Variants in MARCHF1 observed in about 807,000 individuals in gnomAD.
MARCHF1 encodes the protein E3 ubiquitin-protein ligase MARCHF1.
A neutral mutation model predicts 54.2 loss-of-function variants in MARCHF1; 40 were observed. That is an observed-to-expected ratio of 0.74 (90% CI 0.57 to 0.96). The LOEUF is 0.96. Ranked by LOEUF, MARCHF1 falls within the 40% of genes least tolerant of loss-of-function variation. The pLI, the probability that MARCHF1 is intolerant of heterozygous loss-of-function variation, is 0.00. For missense variants in MARCHF1, 586 were observed against 656.5 expected, an observed-to-expected ratio of 0.89 and a Z score of 1.17; for synonymous variants, 236 against 236.3, an observed-to-expected ratio of 1.00 and a Z score of 0.01.
chr4:163,994,578 C>T (rs930446088), intron 2 of MARCHF1, among the ~76,000 whole-genome samples: 12 of 151,528 alleles, frequency 7.9e-5, no homozygotes, highest in Admixed American at 2.6e-4. Context: ...ATAATAATAA[C>T]ATTTAAAAAA....
intron 2 of MARCHF1, among the ~76,000 whole-genome samples, chr4:164,078,711 C>T (rs528008441): frequency 7.9e-5 from 12 of 152,228 alleles, no homozygotes; most frequent in African/African-American, 2.6e-4. Flanking sequence ...GGCCTAACAG[C>T]AAATTAGACA....
intron 3 of MARCHF1, among the ~76,000 whole-genome samples, chr4:163,940,539 C>G (rs1281093353): frequency 6.6e-6 from 1 of 151,956 alleles, no homozygotes; most frequent in Non-Finnish European, 1.5e-5. Flanking sequence ...TGTGTTTCCT[C>G]TATGTCCACC....
chr4:164,295,651 G>A, intron 1 of MARCHF1, among the ~76,000 whole-genome samples: 1 of 152,152 alleles, frequency 6.6e-6, no homozygotes, highest in East Asian at 1.9e-4. Flanking sequence ...AAATTTTTAA[G>A]CAACTTGGGC....
At chr4:163,757,635 AATAGAAACACC>A (rs1746715459) in intron 4 of MARCHF1, among the ~76,000 whole-genome samples, 1 of 152,212 alleles carries the variant, frequency 6.6e-6, no homozygotes, top group Non-Finnish European at 1.5e-5. Context: ...TTTGAAAAAA[AATAGAAACACC>A]ATAGAAACAC....
intron 2 of MARCHF1, among the ~76,000 whole-genome samples, chr4:164,062,978 G>C (rs1754652630): frequency 6.6e-6 from 1 of 152,188 alleles, no homozygotes; most frequent in African/African-American, 2.4e-5. Flanking sequence ...TTAATGATCA[G>C]TAATGTTTTA....
At position 163,868,116 on chromosome 4, in the gene MARCHF1, G is replaced by A. The variant is rs188718925; in HGVS notation, c.-38-13947C>T. ...CTGAGAGTACTCCAAGAAATGGATG[G>A]GTGCAATTTCAAATGGGGCTTTTAT... On this transcript the variant is annotated intron_variant, in intron 3 of 9. Transcript: ENST00000514618. Among the ~76,000 whole-genome samples the A allele has an allele frequency of 3.2e-3, 484 of 151,792 alleles. 2 individuals carry two copies. Among genetic ancestry groups the A allele is most frequent in the African/African-American group, 0.011 (436 of 41,440 alleles).
chr4:163,716,146 A>G (rs1274283328), intron 4 of MARCHF1, among the ~76,000 whole-genome samples: 1 of 152,200 alleles, frequency 6.6e-6, no homozygotes, highest in East Asian at 1.9e-4. Context: ...TTGAACTTTT[A>G]TGATGGTTCT....
At chr4:164,170,032 CAGGTGTATTTTGAA>C (rs1730481603) in intron 1 of MARCHF1, among the ~76,000 whole-genome samples, 1 of 152,036 alleles carries the variant, frequency 6.6e-6, no homozygotes, top group South Asian at 2.1e-4. Flanking sequence ...TAATTGGACT[CAGGTGTATTTTGAA>C]AGCCAAAATT....
Position 163,586,434 on chromosome 4 carries a change from A to G in MARCHF1, c.1011-505T>C, listed in dbSNP as rs78863342. Among the ~76,000 whole-genome samples, 110 of 152,310 alleles carry G rather than the reference A, an allele frequency of 7.2e-4. 3 individuals are homozygous for G. In the East Asian group the frequency reaches 0.02, roughly 28 times the overall value. On this transcript the variant is annotated intron_variant, in intron 7 of 9. Coordinates refer to ENST00000514618, the MANE Select transcript of MARCHF1 (RefSeq NM_001394959.1). ...CAAAATATCTCATTATGTATGTGCAAATATTCCAAAATCCTCCCAAAATTG... is the reference window on the plus strand; with the variant it reads ...CAAAATATCTCATTATGTATGTGCAGATATTCCAAAATCCTCCCAAAATTG...
At chr4:164,338,956 G>A (rs1327160690) in intron 1 of MARCHF1, among the ~76,000 whole-genome samples, 2 of 151,744 alleles carry the variant, frequency 1.3e-5, no homozygotes, top group Non-Finnish European at 2.9e-5. Context: ...TGAGCAACAA[G>A]AGCAAAACTC....
chr4:163,625,703 T>C (rs567471611), intron 5 of MARCHF1, among the ~76,000 whole-genome samples: 26 of 152,352 alleles, frequency 1.7e-4, no homozygotes, highest in African/African-American at 5.8e-4. Context: ...GGCTCTTTCT[T>C]TGGACTTCAG....
intron 3 of MARCHF1, among the ~76,000 whole-genome samples, chr4:163,939,126 G>A (rs1204159737): frequency 6.6e-6 from 1 of 152,158 alleles, no homozygotes; most frequent in Non-Finnish European, 1.5e-5. Flanking sequence ...GCCCTGAGCA[G>A]TATATTTCTG....
chr4:163,863,120 C>A (rs1426522638), intron 3 of MARCHF1, among the ~76,000 whole-genome samples: 1 of 151,984 alleles, frequency 6.6e-6, no homozygotes, highest in Non-Finnish European at 1.5e-5. Context: ...TCTTATAGAA[C>A]CTCACAGCAC....
intron 2 of MARCHF1, among the ~76,000 whole-genome samples, chr4:164,105,302 T>C (rs76223973): frequency 0.78 from 76,078 of 98,056 alleles, 29,772 homozygotes; most frequent in Non-Finnish European, 0.85. Flanking sequence ...GAGCCTGCAT[T>C]GCCAAGTCAA....
At chr4:163,741,045 T>TA (rs903664743) in intron 4 of MARCHF1, among the ~76,000 whole-genome samples, 1 of 152,186 alleles carries the variant, frequency 6.6e-6, no homozygotes, top group African/African-American at 2.4e-5. Flanking sequence ...TTTGTCTACT[T>TA]AGTCTTTGTA....
At chr4:164,334,863 G>T (rs1729690270) in intron 1 of MARCHF1, among the ~76,000 whole-genome samples, 1 of 152,130 alleles carries the variant, frequency 6.6e-6, no homozygotes, top group Non-Finnish European at 1.5e-5. Flanking sequence ...ACAGGAGTTT[G>T]GGAGAAGTTT....
chr4:163,890,081 T>C (rs551961161), intron 3 of MARCHF1, among the ~76,000 whole-genome samples: 28 of 145,530 alleles, frequency 1.9e-4, no homozygotes, highest in Admixed American at 1.2e-3. Context: ...CCCACCACCA[T>C]GCCCGGCTAA....
At chr4:163,544,094 C>T (rs1027674558) in intron 9 of MARCHF1, among the ~76,000 whole-genome samples, 1 of 152,070 alleles carries the variant, frequency 6.6e-6, no homozygotes, top group Non-Finnish European at 1.5e-5. Flanking sequence ...TTTTGTTTTT[C>T]CATCCATATG....
chr4:163,972,836 C>T lies in MARCHF1; in HGVS notation c.-39+15665G>A, dbSNP rs557810260. On this transcript the variant is annotated intron_variant, in intron 3 of 9. Coordinates refer to ENST00000514618, the MANE Select transcript of MARCHF1 (RefSeq NM_001394959.1). ...CCTCCCAAAGTGCTGGGATTACAGGCGTGAGCCACCGCGCCCGGCCTTAAT... is the reference window on the plus strand; with the variant it reads ...CCTCCCAAAGTGCTGGGATTACAGGTGTGAGCCACCGCGCCCGGCCTTAAT... 7.2e-5 allele frequency among the ~76,000 whole-genome samples: 11 copies of T among 151,972 alleles called. No individual in the cohort carries two copies. The East Asian group carries it at 1.7e-3, about 24-fold the overall frequency.
Sources: gnomAD v4.1 joint callset for allele counts (sites outside exome capture counted in the v4.1 genomes callset) on GRCh38, gnomAD v4.1.1 for gene constraint, MANE v1.5 for transcripts, NCBI Gene and HGNC (gene_info 2026-07-23, HGNC 2026-07-21) for gene names.